The following SOX6 variants were observed in gnomAD, a reference collection of about 807,000 sequenced individuals.
SOX6 encodes SRY-box transcription factor 6.
A neutral mutation model predicts 97.8 loss-of-function variants in SOX6; 11 were observed. The observed-to-expected ratio is 0.11, with a 90% CI of 0.07 to 0.19. The LOEUF is 0.19. Among genes scored for constraint, SOX6 ranks in the 10% least tolerant of loss-of-function variants. The pLI is 1.00. For missense variants in SOX6, 810 were observed against 1,039.5 expected, an observed-to-expected ratio of 0.78 and a Z score of 3.04; for synonymous variants, 360 against 371.4, an observed-to-expected ratio of 0.97 and a Z score of 0.35.
intron 1 of SOX6, among the ~76,000 whole-genome samples, chr11:16,400,292 T>C (rs557040005): frequency 6.6e-6 from 1 of 151,622 alleles, no homozygotes; most frequent in South Asian, 2.1e-4. Context: ...CAGGAATGTT[T>C]AGCAGGTTGC....
At chr11:16,479,177 T>C (rs1341717041), upstream of SOX6, among the ~76,000 whole-genome samples, 2 of 152,224 alleles carry the variant, frequency 1.3e-5, no homozygotes, top group Admixed American at 1.3e-4. Flanking sequence ...TCATCAAGTC[T>C]TTGATATATT....
chr11:16,637,913 C>CTTTTTTTTTTTTTTT (rs879508621), intron 3 of SOX6, among the ~76,000 whole-genome samples: 1 of 137,548 alleles, frequency 7.3e-6, no homozygotes. Context: ...GGGTCTCATT[C>CTTTTTTTTTTTTTTT]TTTTTTTTTT....
intron 3 of SOX6, among the ~76,000 whole-genome samples, chr11:16,670,798 G>A (rs997737063): frequency 6.6e-6 from 1 of 151,608 alleles, no homozygotes; most frequent in Non-Finnish European, 1.5e-5. Context: ...AGTTGGGGAA[G>A]AAACATAAGC....
chr11:16,634,106 T>A (rs1331175311), intron 3 of SOX6, among the ~76,000 whole-genome samples: 1 of 152,008 alleles, frequency 6.6e-6, no homozygotes, highest in Non-Finnish European at 1.5e-5. Context: ...CTATTATAAA[T>A]ATGCTTAATG....
intron 4 of SOX6, among the ~76,000 whole-genome samples, chr11:16,486,481 A>T (rs1197815543): frequency 1.3e-5 from 2 of 152,188 alleles, no homozygotes; most frequent in African/African-American, 4.8e-5. Flanking sequence ...AGGGTCCTGT[A>T]TGAGTAGGAC....
intron 3 of SOX6, among the ~76,000 whole-genome samples, chr11:16,280,265 TG>T (rs1854517018): frequency 1.3e-5 from 2 of 152,124 alleles, no homozygotes; most frequent in African/African-American, 4.8e-5. Flanking sequence ...TTTTGGATTT[TG>T]TCCTTGATTT....
chr11:16,245,799 T>C (rs959085537), intron 3 of SOX6, among the ~76,000 whole-genome samples: 4 of 151,522 alleles, frequency 2.6e-5, no homozygotes, highest in African/African-American at 9.7e-5. Context: ...TCAAAAAACT[T>C]TTAACATATT....
chr11:16,734,760 TTGAG>T (rs1848379269), intron 2 of SOX6, among the ~76,000 whole-genome samples: 1 of 152,184 alleles, frequency 6.6e-6, no homozygotes, highest in African/African-American at 2.4e-5. Context: ...CAAATATCTA[TTGAG>T]TGATAGTTTA....
chr11:16,593,560 G>T (rs1034739215), intron 4 of SOX6, among the ~76,000 whole-genome samples: 5 of 151,758 alleles, frequency 3.3e-5, no homozygotes, highest in African/African-American at 1.2e-4. Flanking sequence ...TATGTTAGAA[G>T]TTTCTTCCCA....
chr11:16,721,319 T>G (rs1391428944), intron 2 of SOX6, among the ~76,000 whole-genome samples: 1 of 152,166 alleles, frequency 6.6e-6, no homozygotes, highest in Non-Finnish European at 1.5e-5. Flanking sequence ...TTGCACTCTT[T>G]GCTGATGGCT....
intron 4 of SOX6, among the ~76,000 whole-genome samples, chr11:16,546,702 G>A (rs953831683): frequency 6.6e-6 from 1 of 152,002 alleles, no homozygotes; most frequent in Non-Finnish European, 1.5e-5. Context: ...CACGATCTAG[G>A]CAACGAATTT....
chr11:16,448,922 A>ATTTAAGACT (rs1859663542), intron 1 of SOX6, among the ~76,000 whole-genome samples: 1 of 152,170 alleles, frequency 6.6e-6, no homozygotes, highest in African/African-American at 2.4e-5. Flanking sequence ...ATAAAGCTGT[A>ATTTAAGACT]TATTAAGACT....
chr11:16,486,852 T>G (rs1258412656), intron 4 of SOX6, among the ~76,000 whole-genome samples: 8 of 151,718 alleles, frequency 5.3e-5, no homozygotes. Flanking sequence ...CATCTCAAAA[T>G]TAAATGTGCA....
chr11:16,394,164 G>C (rs1486051922), intron 1 of SOX6, among the ~76,000 whole-genome samples: 1 of 151,814 alleles, frequency 6.6e-6, no homozygotes, highest in African/African-American at 2.4e-5. Flanking sequence ...TTTTTACTAT[G>C]CATATCATTG....
chr11:16,620,943 T>A (rs1024475481), intron 3 of SOX6, among the ~76,000 whole-genome samples: 1 of 152,238 alleles, frequency 6.6e-6, no homozygotes, highest in African/African-American at 2.4e-5. Context: ...CACAAATTTC[T>A]TCTGTGCAGT....
chr11:16,354,435 G>C (rs1184949134), intron 1 of SOX6, among the ~76,000 whole-genome samples: 4 of 152,088 alleles, frequency 2.6e-5, no homozygotes, highest in Non-Finnish European at 2.9e-5. Flanking sequence ...CCAGTGCTGA[G>C]TGAACTAATG....
At chr11:16,174,567 C>T (rs1419438489) in intron 6 of SOX6, among the ~76,000 whole-genome samples, 3 of 151,638 alleles carry the variant, frequency 2.0e-5, no homozygotes, top group African/African-American at 7.3e-5. Context: ...AAGATATTTC[C>T]CTGTGCTATA....
upstream of SOX6, among the ~76,000 whole-genome samples, chr11:16,480,969 G>A (rs907167502): frequency 2.0e-5 from 3 of 151,946 alleles, no homozygotes; most frequent in East Asian, 1.9e-4. Flanking sequence ...TAACTTTTAG[G>A]AAAATATCGA....
At chr11:16,679,106 T>C (rs978885034) in intron 3 of SOX6, among the ~76,000 whole-genome samples, 1 of 152,212 alleles carries the variant, frequency 6.6e-6, no homozygotes, top group Non-Finnish European at 1.5e-5. Flanking sequence ...AAGAGAGCAG[T>C]GGTTCTCCCA....
Sources: allele counts gnomAD v4.1 joint callset (sites outside exome capture counted in the v4.1 genomes callset), GRCh38; gene constraint gnomAD v4.1.1; transcripts MANE v1.5; gene names NCBI Gene and HGNC (gene_info 2026-07-23, HGNC 2026-07-21).